The following APBB1 variants were observed in gnomAD, a reference collection of about 807,000 sequenced individuals.
APBB1 encodes adaptor protein FE65a2.
In APBB1, 22 loss-of-function variants were observed where a neutral mutation model predicts 78.4. The observed-to-expected ratio is 0.28, with a 90% CI of 0.20 to 0.40. The LOEUF (loss-of-function observed/expected upper bound fraction) is 0.40, where lower values mean the gene tolerates loss of function less well. APBB1 is among the 10% of genes least tolerant of loss of function. The probability of loss-of-function intolerance (pLI) is 1.00; values close to 1 mark genes in which losing one functional copy is unlikely to be tolerated. For synonymous variants in APBB1, 369 were observed against 372.7 expected (o/e 0.99, Z 0.12); for missense variants, 749 against 932.4 (o/e 0.80, Z 2.56).
intron 2 of APBB1, 116 bp downstream of exon 2, chr11:6,410,511 G>T (rs929322317): frequency 6.9e-6 from 6 of 874,574 alleles, no homozygotes; most frequent in Non-Finnish European, 1.0e-5. Context: ...ATGGCCTGCT[G>T]TGGCCTCAGG....
At chr11:6,412,702 C>T (rs181791565) in intron 1 of APBB1, among the ~76,000 whole-genome samples, 248 of 152,286 alleles carry the variant, frequency 1.6e-3, no homozygotes, top group Admixed American at 3.7e-3. Flanking sequence ...TAGTGCCTAG[C>T]GTAGTCCTGG....
chr11:6,409,382 T>A (rs1010249180), intron 2 of APBB1, among the ~76,000 whole-genome samples: 3 of 152,206 alleles, frequency 2.0e-5, no homozygotes, highest in Non-Finnish European at 4.4e-5. Context: ...GCTGTAAACA[T>A]TTATAGATAA....
chr11:6,407,945 A>T (rs573352459), intron 2 of APBB1, among the ~76,000 whole-genome samples: 5 of 150,598 alleles, frequency 3.3e-5, no homozygotes, highest in East Asian at 1.9e-4. Flanking sequence ...GCGCCCGGCT[A>T]ATTTTTTGTA....
intron 2 of APBB1, among the ~76,000 whole-genome samples, chr11:6,407,442 C>G (rs189549822): frequency 1.3e-3 from 203 of 152,366 alleles, no homozygotes; most frequent in Admixed American, 2.9e-3. Context: ...TGGTCACTGA[C>G]TCACACCCCC....
At chr11:6,416,781 A>AC (rs1849130012) in intron 1 of APBB1, among the ~76,000 whole-genome samples, 1 of 149,590 alleles carries the variant, frequency 6.7e-6, no homozygotes, top group Non-Finnish European at 1.5e-5. Flanking sequence ...CTGCTGTGTC[A>AC]CCCAGGCTAC....
Position 6,401,338 on chromosome 11 carries a change from C to T in APBB1, c.1588+7G>A, listed in dbSNP as rs1848490030. The T allele has an allele frequency of 1.9e-6, 3 of 1,614,168 alleles. No individual in the cohort carries two copies. Among genetic ancestry groups the T allele is most frequent in the Non-Finnish European group, 2.5e-6 (3 of 1,180,032 alleles). ...TGAGCTGGACCTGGAGGGGTTTTGA[C>T]ACTGACCTTGGAAAGGGACATCCAC... On this transcript the variant is annotated splice_region_variant and intron_variant, in intron 11 of 14. Coordinates refer to ENST00000609360, the MANE Select transcript of APBB1 (RefSeq NM_001164.5). The surrounding 1 kb of genome is among the most constrained non-coding windows in gnomAD (Gnocchi z 4.5).
intron 6 of APBB1, 97 bp from the exon 7 acceptor site, chr11:6,402,822 C>A: frequency 6.7e-7 from 1 of 1,485,938 alleles, no homozygotes; most frequent in Non-Finnish European, 9.2e-7. Flanking sequence ...GTGTTCTGAA[C>A]TAAGACGGAG....
intron 2 of APBB1, among the ~76,000 whole-genome samples, chr11:6,409,413 C>T (rs1338403800): frequency 6.6e-6 from 1 of 152,170 alleles, no homozygotes; most frequent in Non-Finnish European, 1.5e-5. Flanking sequence ...TTCAGAATAA[C>T]CTACGCTGGG....
intron 1 of APBB1, among the ~76,000 whole-genome samples, chr11:6,413,435 C>A (rs568989377): frequency 1.4e-3 from 219 of 152,256 alleles, no homozygotes; most frequent in African/African-American, 4.9e-3. Flanking sequence ...CTCACCACTA[C>A]CCCCCTTCCC....
Position 6,411,737 on chromosome 11 carries a change from G to A in APBB1, c.-14-376C>T, listed in dbSNP as rs80212277. 0.013 allele frequency among the ~76,000 whole-genome samples: 2,000 copies of A among 152,226 alleles called. 34 individuals carry two copies. Among genetic ancestry groups the A allele is most frequent in the African/African-American group, 0.044 (1,840 of 41,540 alleles). ...CCAGGAACACCACTAGAGTGGGACC[G>A]GCTCGTGTGTTTTGGACACTGATCA... is the stretch of plus-strand genomic sequence containing the variant. On this transcript the variant is annotated intron_variant, in intron 1 of 14. Coordinates refer to ENST00000609360, the MANE Select transcript of APBB1 (RefSeq NM_001164.5). This position sits in a 1 kb window ranked among gnomAD's most constrained non-coding sequence, Gnocchi z 5.2.
chr11:6,395,258 G>A lies in APBB1; in HGVS notation c.*276C>T, dbSNP rs1221401765. On this transcript the variant is annotated 3_prime_UTR_variant, in exon 15 of 15. Coordinates refer to ENST00000609360, the MANE Select transcript of APBB1 (RefSeq NM_001164.5). This position sits in a 1 kb window ranked among gnomAD's most constrained non-coding sequence, Gnocchi z 5.2. Reference sequence around the variant, plus strand: ...GGTCCAGGAGGATGAGGCCTGGCCTGGACCAGTTCCTCCTGTTCCACCTGA... The same window carrying A: ...GGTCCAGGAGGATGAGGCCTGGCCTAGACCAGTTCCTCCTGTTCCACCTGA... The A allele has an allele frequency of 2.8e-6, 1 of 353,396 alleles. No individual in the cohort carries two copies. The highest frequency in any genetic ancestry group is 4.3e-5 in the Admixed American group (1 of 23,138). 21.9% of individuals were successfully genotyped at this position (353,396 alleles called of 1,614,324 possible). A position where few individuals can be genotyped will look rare whatever the true frequency, so the allele number is the denominator to read the frequency against.
chr11:6,402,038 T>C (rs1384339765), intron 8 of APBB1, 44 bp downstream of exon 8: 1 of 1,608,752 alleles, frequency 6.2e-7, no homozygotes, highest in African/African-American at 1.3e-5. Flanking sequence ...AGGACTCTGA[T>C]GCTGGATGAA....
intron 2 of APBB1, among the ~76,000 whole-genome samples, chr11:6,406,754 T>C (rs1049959159): frequency 1.3e-5 from 2 of 152,098 alleles, no homozygotes; most frequent in African/African-American, 4.8e-5. Context: ...CAGACATCAG[T>C]ATACAGGTCC....
chr11:6,401,177 C>G lies in APBB1; in HGVS notation c.1589-105G>C. 1 of 1,612,386 alleles carries G rather than the reference C, an allele frequency of 6.2e-7. No individual in the cohort carries two copies. The highest frequency in any genetic ancestry group is 8.5e-7 in the Non-Finnish European group (1 of 1,179,078). ...ACTTGCCCAGCCGAGGCCCTACTTTCATCTCGTCCCCTGCCTCCCTTTAAC... is the reference window on the plus strand; with the variant it reads ...ACTTGCCCAGCCGAGGCCCTACTTTGATCTCGTCCCCTGCCTCCCTTTAAC... On this transcript the variant is annotated intron_variant, in intron 11 of 14. Transcript: ENST00000609360. This position sits in a 1 kb window ranked among gnomAD's most constrained non-coding sequence, Gnocchi z 4.5.
rs1216933422 is a variant in APBB1, at chr11:6,401,225, G to A, written c.1588+120C>T. On this transcript the variant is annotated intron_variant, in intron 11 of 14. Coordinates refer to ENST00000609360, the MANE Select transcript of APBB1 (RefSeq NM_001164.5). The surrounding 1 kb of genome is among the most constrained non-coding windows in gnomAD (Gnocchi z 4.5). The stretch of plus-strand genomic sequence containing the variant: ...AACCGGAGTCCCTCCACGTATTGGA[G>A]TATTCAGTCTTCATGTGTTCATTTT... The A allele has an allele frequency of 1.9e-6, 3 of 1,610,668 alleles. No individual in the cohort carries two copies. In the East Asian group the frequency reaches 6.7e-5, roughly 36 times the overall value.
rs1272711956 is a variant in APBB1, at chr11:6,411,831, C to T, written c.-14-470G>A. Among the ~76,000 whole-genome samples the T allele has an allele frequency of 2.0e-5, 3 of 152,190 alleles. No homozygotes were observed. The highest frequency in any genetic ancestry group is 7.2e-5 in the African/African-American group (3 of 41,446). On this transcript the variant is annotated intron_variant, in intron 1 of 14. Coordinates refer to ENST00000609360, the MANE Select transcript of APBB1 (RefSeq NM_001164.5). The surrounding 1 kb of genome is among the most constrained non-coding windows in gnomAD (Gnocchi z 5.2). ...ACTGTAAGCTCCTCCGGCTGTGTTC[C>T]TATTCCCATAAATCACTCAGCTCAA... is the stretch of plus-strand genomic sequence containing the variant.
intron 2 of APBB1, chr11:6,405,277 GT>G: frequency 1.0e-6 from 1 of 998,200 alleles, no homozygotes; most frequent in Non-Finnish European, 1.2e-6. Context: ...TCCCGCCCCT[GT>G]CCAGGACCTG....
chr11:6,410,987 C>T lies in APBB1; in HGVS notation c.361G>A (p.Glu121Lys), dbSNP rs983737759. The change falls in exon 2 of 15, where the codon GAG (glutamate) becomes AAG (lysine). Residue 121 changes from glutamate to lysine, a missense_variant. Around this residue, in one of 3 missense-constraint regions of APBB1, gnomAD observed 635 missense variants for 765.0 expected, o/e 0.83. Transcript: ENST00000609360. ...TTGGCTGCGTTGTGAGCTGAGAGCT[C>T]CAGCTCAGAGTACAGGTGTATCAGG... ...KGLIHLYSEL[E>K]LSAHNAANRG... 3 of 1,614,088 alleles carry T rather than the reference C, an allele frequency of 1.9e-6. No individual in the cohort carries two copies.
Position 6,414,676 on chromosome 11 carries a change from T to C in APBB1, c.-14-3315A>G, listed in dbSNP as rs534386546. Among the ~76,000 whole-genome samples, 3 of 152,126 alleles carry C rather than the reference T, an allele frequency of 2.0e-5. No homozygotes were observed. In the South Asian group the frequency reaches 6.2e-4, roughly 32 times the overall value. On this transcript the variant is annotated intron_variant, in intron 1 of 14. Coordinates refer to ENST00000609360, the MANE Select transcript of APBB1 (RefSeq NM_001164.5). ...GGGAAGTAAGATGGGACAGGAATCC[T>C]GGAGAGGTGAGGGCTGAGATCTAGG...
Sources: allele counts gnomAD v4.1 joint callset (sites outside exome capture counted in the v4.1 genomes callset), GRCh38; gene constraint gnomAD v4.1.1; regional missense constraint gnomAD v4.1.1; non-coding constraint Gnocchi (gnomAD v3.1); transcripts MANE v1.5; gene names NCBI Gene and HGNC (gene_info 2026-07-23, HGNC 2026-07-21).